Variants in DMD observed in about 807,000 individuals in gnomAD.
DMD encodes the protein dystrophin.
DMD carries 63 observed loss-of-function variants against 330.1 expected under a neutral mutation model. The ratio of observed to expected loss-of-function variants is 0.19; its 90% CI spans 0.16 to 0.24. The LOEUF is 0.24. DMD is among the 10% of genes least tolerant of loss of function. The probability of loss-of-function intolerance (pLI) is 1.00; values close to 1 mark genes in which losing one functional copy is unlikely to be tolerated. For synonymous variants in DMD, 1,223 were observed against 959.8 expected (o/e 1.27, Z -5.07); for missense variants, 3,344 against 2,684.1 (o/e 1.25, Z -5.43).
At chrX:32,370,277 C>A (rs2097870077) in intron 34 of DMD, among the ~76,000 whole-genome samples, 1 of 105,639 alleles carries the variant, frequency 9.5e-6, no homozygotes, top group African/African-American at 3.5e-5. Context: ...GTGCATCACA[C>A]AATCTAACAT....
rs193153078 is a variant in DMD at position 32,614,471 on chromosome X, G to C, written c.1332-18C>G. On this transcript the variant is annotated intron_variant, in intron 11 of 78. Coordinates refer to ENST00000357033, the MANE Select transcript of DMD (RefSeq NM_004006.3). ...TATGTAAACTGAAAATTTGAAAGAA[G>C]CCTATTATGACCTCTTTGAAAGCAA... The C allele has an allele frequency of 8.4e-7, 1 of 1,184,480 alleles. No homozygotes were observed. Among genetic ancestry groups the C allele is most frequent in the Non-Finnish European group, 1.1e-6 (1 of 873,376 alleles).
At chrX:31,530,647 C>CTTTTTTTTTTTTTTTTTTTTTT (rs1192286078) in intron 55 of DMD, among the ~76,000 whole-genome samples, 6 of 49,806 alleles carry the variant, frequency 1.2e-4, no homozygotes, top group Non-Finnish European at 1.8e-4. Context: ...ACTGGTTTCT[C>CTTTTTTTTTTTTTTTTTTTTTT]TTTTTTTTTT....
rs1289808220 is a variant in DMD at position 32,898,739 on chromosome X, C to A, written c.94-48919G>T. ...ATGCAATGAGGGCTGCTGGGGATCA[C>A]TTTTGTTGCCATCTGCTGGTTTCTG... On this transcript the variant is annotated intron_variant, in intron 2 of 78. Coordinates refer to ENST00000357033, the MANE Select transcript of DMD (RefSeq NM_004006.3). 3.1e-4 allele frequency among the ~76,000 whole-genome samples: 34 copies of A among 111,224 alleles called. No individual in the cohort carries two copies. The Admixed American group carries it at 3.3e-3, about 11-fold the overall frequency.
chrX:31,930,380 G>A (rs1483985011), intron 46 of DMD, among the ~76,000 whole-genome samples: 1 of 110,915 alleles, frequency 9.0e-6, no homozygotes, highest in Non-Finnish European at 1.9e-5. Context: ...AATTTGGGTA[G>A]TTTCATTCTG....
intron 44 of DMD, among the ~76,000 whole-genome samples, chrX:32,083,586 GA>G (rs918040795): frequency 9.1e-6 from 1 of 109,743 alleles, no homozygotes; most frequent in Non-Finnish European, 1.9e-5. Flanking sequence ...CGTAGATAAG[GA>G]AAAAAAAATC....
Position 31,836,829 on chromosome X carries a change from A to G in DMD, c.7099-10T>C, listed in dbSNP as rs1160857866. The stretch of plus-strand genomic sequence containing the variant: ...CTGCTATTTCAGTTTCCTGGGGAAA[A>G]GAACCCATATAGTGCAGATTAACTT... On this transcript the variant is annotated splice_polypyrimidine_tract_variant and intron_variant, in intron 48 of 78. Coordinates refer to ENST00000357033, the MANE Select transcript of DMD (RefSeq NM_004006.3). 1 of 1,183,013 alleles carries G rather than the reference A, an allele frequency of 8.5e-7. No homozygotes were observed. The highest frequency in any genetic ancestry group is 1.2e-6 in the Non-Finnish European group (1 of 869,535).
At chrX:33,105,772 AAT>A (rs2095281171) in intron 1 of DMD, among the ~76,000 whole-genome samples, 1 of 111,932 alleles carries the variant, frequency 8.9e-6, no homozygotes, top group African/African-American at 3.2e-5. Flanking sequence ...GTCAAAAAAC[AAT>A]AAACGTTGGC....
chrX:31,630,685 G>GA (rs1042592323), intron 54 of DMD, among the ~76,000 whole-genome samples: 2 of 109,302 alleles, frequency 1.8e-5, no homozygotes, highest in South Asian at 3.9e-4. Flanking sequence ...GAATCATAAA[G>GA]AAAAAAAAGA....
intron 1 of DMD, among the ~76,000 whole-genome samples, chrX:33,222,707 T>C (rs993459525): frequency 1.8e-5 from 2 of 112,046 alleles, no homozygotes; most frequent in Non-Finnish European, 3.8e-5. Context: ...GGATGCAAGA[T>C]AAATATACAA....
chrX:33,020,105 A>C, intron 2 of DMD, 34 bp downstream of exon 2: 1 of 1,109,460 alleles, frequency 9.0e-7, no homozygotes, highest in Non-Finnish European at 1.2e-6. Flanking sequence ...TTCACAACTT[A>C]GATCTTAAAA....
At chrX:31,980,986 G>A (rs184728012) in intron 44 of DMD, among the ~76,000 whole-genome samples, 23 of 111,968 alleles carry the variant, frequency 2.1e-4, no homozygotes, top group African/African-American at 6.2e-4. Context: ...CAGTACATAT[G>A]GACCCTTCTT....
chrX:32,526,521 G>A (rs960484881), intron 17 of DMD, among the ~76,000 whole-genome samples: 1 of 110,343 alleles, frequency 9.1e-6, no homozygotes, highest in Admixed American at 9.7e-5. Context: ...AAAGCCTGGG[G>A]CATATATACC....
intron 1 of DMD, among the ~76,000 whole-genome samples, chrX:33,033,476 C>T (rs1443396620): frequency 1.9e-5 from 2 of 105,660 alleles, no homozygotes; most frequent in Non-Finnish European, 3.9e-5. Context: ...TTTGGGAGGC[C>T]GAGGTGGGCG....
chrX:33,017,440 T>C (rs1187962611), intron 2 of DMD, among the ~76,000 whole-genome samples: 1 of 111,414 alleles, frequency 9.0e-6, no homozygotes, highest in African/African-American at 3.3e-5. Context: ...GAGGCATTTT[T>C]ATAGTTGTAT....
chrX:33,212,781 T>G (rs755528377), upstream of DMD, among the ~76,000 whole-genome samples: 3 of 111,982 alleles, frequency 2.7e-5, no homozygotes, highest in African/African-American at 9.7e-5. Context: ...AACATTCTTT[T>G]CCCTAGGTCA....
chrX:32,613,282 G>C (rs2057314386), intron 12 of DMD, among the ~76,000 whole-genome samples: 1 of 110,807 alleles, frequency 9.0e-6, no homozygotes, highest in Non-Finnish European at 1.9e-5. Flanking sequence ...AATTACAAAG[G>C]ATCTTGTGTG....
At chrX:31,383,690 C>G (rs2060299580) in intron 60 of DMD, among the ~76,000 whole-genome samples, 1 of 111,908 alleles carries the variant, frequency 8.9e-6, no homozygotes, top group Non-Finnish European at 1.9e-5. Flanking sequence ...TCAGCCGGCA[C>G]AGAGGAGAAG....
chrX:32,468,857 T>C (rs2040328574), intron 22 of DMD, 147 bp from the exon 23 acceptor site: 1 of 492,414 alleles, frequency 2.0e-6, no homozygotes. Context: ...CTTCTAGTGG[T>C]AATTTAAATT....
chrX:31,156,488 G>C (rs2038133942), intron 74 of DMD, among the ~76,000 whole-genome samples: 3 of 111,857 alleles, frequency 2.7e-5, no homozygotes, highest in African/African-American at 9.7e-5. Flanking sequence ...GAGAGAATTA[G>C]AACAAGGCTT....
Sources: allele counts gnomAD v4.1 joint callset (sites outside exome capture counted in the v4.1 genomes callset), GRCh38; gene constraint gnomAD v4.1.1; transcripts MANE v1.5; gene names NCBI Gene and HGNC (gene_info 2026-07-23, HGNC 2026-07-21).